Variants in UBR2 observed in about 807,000 individuals in gnomAD.
UBR2 encodes the protein ubiquitin protein ligase E3 component n-recognin 2.
A neutral mutation model predicts 247.9 loss-of-function variants in UBR2; 92 were observed. That is an observed-to-expected ratio of 0.37 (90% CI 0.31 to 0.44). The LOEUF (loss-of-function observed/expected upper bound fraction) is 0.44, where lower values mean the gene tolerates loss of function less well. Among genes scored for constraint, UBR2 ranks in the 20% least tolerant of loss-of-function variants. The probability of loss-of-function intolerance (pLI) is 1.00; values close to 1 mark genes in which losing one functional copy is unlikely to be tolerated. For missense variants in UBR2, 1,613 were observed against 2,112.6 expected, an observed-to-expected ratio of 0.76 and a Z score of 4.64; for synonymous variants, 672 against 693.5, an observed-to-expected ratio of 0.97 and a Z score of 0.49.
At chr6:42,592,062 T>C (rs1792698933) in intron 2 of UBR2, 89 bp from the exon 3 acceptor site, 6 of 1,280,124 alleles carry the variant, frequency 4.7e-6, no homozygotes, top group Non-Finnish European at 5.5e-6. Context: ...GTTTTCATTC[T>C]TTTAGGATGG....
At chr6:42,575,053 T>A (rs1317616083) in intron 2 of UBR2, among the ~76,000 whole-genome samples, 1 of 152,222 alleles carries the variant, frequency 6.6e-6, no homozygotes, top group African/African-American at 2.4e-5. Flanking sequence ...ATTTTAAACC[T>A]ACATACATAA....
chr6:42,678,459 C>A, intron 40 of UBR2, 80 bp from the exon 41 acceptor site: 1 of 1,454,848 alleles, frequency 6.9e-7, no homozygotes, highest in South Asian at 1.4e-5. Flanking sequence ...TTCCAAATGA[C>A]AGTCAAGTCT....
In UBR2 at chr6:42,691,869, C is replaced by G. The variant is rs1413882248; in HGVS notation, c.*696C>G. 2 of 148,490 alleles carry G rather than the reference C, an allele frequency of 1.3e-5. No homozygotes were observed. The highest frequency in any genetic ancestry group is 3.0e-5 in the Non-Finnish European group (2 of 67,314). The allele number at this position is 148,490 out of a possible 1,614,324, so 9.2% of individuals were successfully genotyped here. ...GGGCTTTCCAAAAACTTAGGATGGT[C>G]TAAAAAATTAGGATATTCTTTTAGA... On this transcript the variant is annotated 3_prime_UTR_variant, in exon 47 of 47. Coordinates refer to ENST00000372901, the MANE Select transcript of UBR2 (RefSeq NM_001363705.2).
At chr6:42,612,490 G>T (rs1203417341) in intron 8 of UBR2, among the ~76,000 whole-genome samples, 199 bp downstream of exon 8, 1 of 152,126 alleles carries the variant, frequency 6.6e-6, no homozygotes, top group East Asian at 1.9e-4. Context: ...TTTTTTATAT[G>T]CACACAAAGG....
chr6:42,565,320 C>A (rs1790717502), intron 1 of UBR2, among the ~76,000 whole-genome samples: 1 of 152,114 alleles, frequency 6.6e-6, no homozygotes, highest in South Asian at 2.1e-4. Flanking sequence ...TCTAAGACCT[C>A]CAATTAAAAA....
chr6:42,581,308 G>A (rs532105069), intron 2 of UBR2, among the ~76,000 whole-genome samples: 3 of 151,742 alleles, frequency 2.0e-5, no homozygotes, highest in Non-Finnish European at 4.4e-5. Context: ...TCCCACCTCA[G>A]CCTCCTGAGT....
intron 13 of UBR2, chr6:42,634,269 CAG>C: frequency 2.3e-6 from 1 of 430,390 alleles, no homozygotes; most frequent in Non-Finnish European, 4.6e-6. Flanking sequence ...ATATACAAAA[CAG>C]AATCTAGAAG....
intron 44 of UBR2, among the ~76,000 whole-genome samples, chr6:42,685,929 T>C (rs533662962): frequency 6.6e-6 from 1 of 152,192 alleles, no homozygotes; most frequent in African/African-American, 2.4e-5. Context: ...CCTAGACAGT[T>C]GAAGCTCCCC....
rs184408322 is a variant in UBR2 at position 42,687,449 on chromosome 6, G to A, written c.4854-767G>A. On this transcript the variant is annotated intron_variant, in intron 44 of 46. Transcript: ENST00000372901. Reference sequence around the variant, plus strand: ...GATGGCGGCAGTACAGTCCAGCCTCGGCTCGGCATCAGAGGGAGACTGTGC... The same window carrying A: ...GATGGCGGCAGTACAGTCCAGCCTCAGCTCGGCATCAGAGGGAGACTGTGC... Among the ~76,000 whole-genome samples the A allele has an allele frequency of 2.4e-4, 36 of 152,342 alleles. 1 individual carries two copies. The South Asian group carries it at 6.8e-3, about 29-fold the overall frequency.
chr6:42,684,057 A>C (rs1449448315), intron 43 of UBR2, among the ~76,000 whole-genome samples: 1 of 152,232 alleles, frequency 6.6e-6, no homozygotes, highest in Non-Finnish European at 1.5e-5. Flanking sequence ...AATTTTTATC[A>C]GTCAAAAATG....
chr6:42,642,828 T>C (rs1320079016), intron 18 of UBR2, among the ~76,000 whole-genome samples: 2 of 152,242 alleles, frequency 1.3e-5, no homozygotes, highest in Non-Finnish European at 2.9e-5. Context: ...CTTTAACTAA[T>C]GTACTAATGT....
chr6:42,653,709 G>C (rs374975821), intron 25 of UBR2, among the ~76,000 whole-genome samples: 8 of 148,336 alleles, frequency 5.4e-5, no homozygotes, highest in African/African-American at 2.0e-4. Context: ...TCTGCCTCCC[G>C]GGTTCAAGCA....
intron 36 of UBR2, 91 bp from the exon 37 acceptor site, chr6:42,673,700 A>G (rs1798566871): frequency 6.0e-6 from 5 of 832,480 alleles, no homozygotes; most frequent in Admixed American, 2.1e-5. Flanking sequence ...GAGCAGTTTC[A>G]TTGTGCATCC....
intron 1 of UBR2, 109 bp downstream of exon 1, chr6:42,564,506 A>T: frequency 3.1e-6 from 4 of 1,278,856 alleles, no homozygotes; most frequent in Non-Finnish European, 4.3e-6. Context: ...TTGGGGAAAC[A>T]GCTGTGCCGG....
rs572811931 is a variant in UBR2, at chr6:42,623,510, G to C, written c.1281+6003G>C. 2.4e-4 allele frequency among the ~76,000 whole-genome samples: 36 copies of C among 152,242 alleles called. No individual in the cohort carries two copies. In the East Asian group the frequency reaches 3.7e-3, roughly 15 times the overall value. ...TCTGTCGCGCAGGCTGGAGTGCAGT[G>C]GTGTGATCTCAGCTCACTACAACCT... On this transcript the variant is annotated intron_variant, in intron 11 of 46. Transcript: ENST00000372901.
At chr6:42,662,771 C>G (rs966498872) in intron 31 of UBR2, among the ~76,000 whole-genome samples, 4 of 152,052 alleles carry the variant, frequency 2.6e-5, no homozygotes, top group Admixed American at 1.3e-4. Context: ...CTATGCTCAC[C>G]CAGTTATCAT....
intron 8 of UBR2, among the ~76,000 whole-genome samples, chr6:42,614,403 C>CATAT (rs1491267926): frequency 4.8e-5 from 3 of 62,530 alleles, no homozygotes; most frequent in African/African-American, 1.1e-4. Context: ...TACATACATA[C>CATAT]GTATGTATGT....
intron 11 of UBR2, among the ~76,000 whole-genome samples, chr6:42,623,555 G>A (rs150401373): frequency 0.011 from 1,629 of 152,168 alleles, 17 homozygotes; most frequent in Non-Finnish European, 0.016. Context: ...GGGTTCAAGC[G>A]ATTCTTCTGC....
At chr6:42,640,468 ATTT>A (rs1796376534) in intron 16 of UBR2, among the ~76,000 whole-genome samples, 198 bp downstream of exon 16, 2 of 150,938 alleles carry the variant, frequency 1.3e-5, no homozygotes, top group African/African-American at 4.9e-5. Flanking sequence ...AGAGACAGAG[ATTT>A]GTTGTAAGGA....
Sources: allele counts gnomAD v4.1 joint callset (sites outside exome capture counted in the v4.1 genomes callset), GRCh38; gene constraint gnomAD v4.1.1; transcripts MANE v1.5; gene names NCBI Gene and HGNC (gene_info 2026-07-23, HGNC 2026-07-21).